KCNH8: variants seen among roughly 807,000 people sequenced by gnomAD.
The protein encoded by KCNH8 is potassium voltage-gated channel subfamily H member 8, also known as voltage-gated delayed rectifier potassium channel KCNH8.
In KCNH8, 70 loss-of-function variants were observed where a neutral mutation model predicts 103.6. The ratio of observed to expected loss-of-function variants is 0.68; its 90% CI spans 0.56 to 0.82. The LOEUF (loss-of-function observed/expected upper bound fraction) is 0.82. KCNH8 is among the 40% of genes least tolerant of loss of function. The pLI is 0.00. For synonymous variants in KCNH8, 498 were observed against 489.4 expected (o/e 1.02, Z -0.23); for missense variants, 1,217 against 1,329.9 (o/e 0.92, Z 1.32).
chr3:19,201,250 A>AAAAG (rs1417792533), intron 1 of KCNH8, among the ~76,000 whole-genome samples: 7 of 147,968 alleles, frequency 4.7e-5, no homozygotes, highest in Non-Finnish European at 9.0e-5. Flanking sequence ...AAAAAAAAAA[A>AAAAG]AAAAAAAAAA....
At chr3:19,357,907 C>T (rs991223219) in intron 5 of KCNH8, among the ~76,000 whole-genome samples, 22 of 151,754 alleles carry the variant, frequency 1.4e-4, no homozygotes, top group African/African-American at 5.1e-4. Context: ...TATATAAATC[C>T]TGAGTCCAAA....
At chr3:19,489,059 G>C (rs1319178313) in intron 11 of KCNH8, among the ~76,000 whole-genome samples, 1 of 152,148 alleles carries the variant, frequency 6.6e-6, no homozygotes, top group African/African-American at 2.4e-5. Flanking sequence ...TAATATTGCT[G>C]TTCTCTCAGG....
intron 3 of KCNH8, among the ~76,000 whole-genome samples, chr3:19,331,750 A>G (rs1010224754): frequency 2.6e-5 from 4 of 152,104 alleles, no homozygotes; most frequent in East Asian, 1.9e-4. Flanking sequence ...AAACATTCCA[A>G]TTATACCCTT....
intron 1 of KCNH8, among the ~76,000 whole-genome samples, chr3:19,199,292 TGTCAGAGC>T (rs2063633088): frequency 6.6e-6 from 1 of 152,106 alleles, no homozygotes; most frequent in Admixed American, 6.6e-5. Context: ...GTTCCACAAA[TGTCAGAGC>T]ATAAACTTTC....
intron 3 of KCNH8, among the ~76,000 whole-genome samples, chr3:19,334,315 C>A (rs2065552575): frequency 6.6e-6 from 1 of 152,098 alleles, no homozygotes; most frequent in African/African-American, 2.4e-5. Flanking sequence ...ACTCAGCAAG[C>A]AGAACCTGTC....
At chr3:19,340,634 T>A (rs1010522015) in intron 3 of KCNH8, among the ~76,000 whole-genome samples, 3 of 152,190 alleles carry the variant, frequency 2.0e-5, no homozygotes, top group Non-Finnish European at 4.4e-5. Flanking sequence ...TTTTTGTTAC[T>A]AAAATATAGT....
intron 11 of KCNH8, among the ~76,000 whole-genome samples, chr3:19,467,605 G>A (rs932375169): frequency 3.3e-5 from 5 of 152,118 alleles, no homozygotes; most frequent in Non-Finnish European, 5.9e-5. Flanking sequence ...GTGGGAGCAC[G>A]GGGGGCATGG....
At chr3:19,386,973 C>A (rs1159314594) in intron 5 of KCNH8, among the ~76,000 whole-genome samples, 1 of 152,106 alleles carries the variant, frequency 6.6e-6, no homozygotes, top group Admixed American at 6.6e-5. Context: ...TGCTGTGCTT[C>A]CTTCACTTTC....
At chr3:19,208,417 A>T (rs2063737773) in intron 1 of KCNH8, among the ~76,000 whole-genome samples, 1 of 151,958 alleles carries the variant, frequency 6.6e-6, no homozygotes, top group African/African-American at 2.4e-5. Context: ...GAATAAATTC[A>T]CTCTCTCTTT....
At chr3:19,482,444 C>T (rs192664354) in intron 11 of KCNH8, among the ~76,000 whole-genome samples, 25 of 152,204 alleles carry the variant, frequency 1.6e-4, no homozygotes, top group African/African-American at 6.0e-4. Flanking sequence ...TTTTTACTAC[C>T]TATGTCTTTT....
intron 7 of KCNH8, among the ~76,000 whole-genome samples, chr3:19,415,154 A>T (rs17005928): frequency 1.3e-5 from 2 of 151,976 alleles, no homozygotes; most frequent in Non-Finnish European, 2.9e-5. Flanking sequence ...GAAAGAAATG[A>T]TGGTAATAAT....
chr3:19,441,931 G>C (rs572347139), intron 8 of KCNH8, among the ~76,000 whole-genome samples: 2 of 152,220 alleles, frequency 1.3e-5, no homozygotes, highest in Non-Finnish European at 2.9e-5. Flanking sequence ...TTATGATCCA[G>C]TTTGGAGGAG....
chr3:19,386,148 C>A (rs553526552), intron 5 of KCNH8, among the ~76,000 whole-genome samples: 1 of 151,928 alleles, frequency 6.6e-6, no homozygotes. Flanking sequence ...CTTTTTAGTC[C>A]GCATAAATAG....
chr3:19,310,689 T>C (rs1251445809), intron 3 of KCNH8, among the ~76,000 whole-genome samples: 1 of 61,632 alleles, frequency 1.6e-5, no homozygotes, highest in Non-Finnish European at 3.4e-5. Context: ...TTCAAAGGGG[T>C]GAGTGTTACA....
chr3:19,243,439 C>T (rs1394714767), intron 1 of KCNH8, among the ~76,000 whole-genome samples: 1 of 152,152 alleles, frequency 6.6e-6, no homozygotes, highest in Non-Finnish European at 1.5e-5. Context: ...CTTATGTTTC[C>T]TGTTACTTAA....
chr3:19,316,395 A>T (rs1301238712), intron 3 of KCNH8, among the ~76,000 whole-genome samples: 1 of 152,024 alleles, frequency 6.6e-6, no homozygotes, highest in East Asian at 1.9e-4. Context: ...GGTATACAAC[A>T]ACCAGGCCAT....
chr3:19,478,984 G>A (rs757729146), intron 11 of KCNH8, among the ~76,000 whole-genome samples: 1 of 152,132 alleles, frequency 6.6e-6, no homozygotes, highest in South Asian at 2.1e-4. Context: ...AAGTTCTTTT[G>A]TGTAAAATTT....
intron 11 of KCNH8, among the ~76,000 whole-genome samples, chr3:19,474,144 G>A (rs2067920409): frequency 6.6e-6 from 1 of 152,272 alleles, no homozygotes; most frequent in South Asian, 2.1e-4. Context: ...GTTAGATTTA[G>A]TGCATGGTAT....
chr3:19,264,225 A>T (rs912104377), intron 2 of KCNH8, among the ~76,000 whole-genome samples: 1 of 152,132 alleles, frequency 6.6e-6, no homozygotes, highest in Non-Finnish European at 1.5e-5. Context: ...CTTCAAAGTC[A>T]TGGTAGCAGA....
Sources: gnomAD v4.1 joint callset for allele counts (sites outside exome capture counted in the v4.1 genomes callset) on GRCh38, gnomAD v4.1.1 for gene constraint, MANE v1.5 for transcripts, NCBI Gene and HGNC (gene_info 2026-07-23, HGNC 2026-07-21) for gene names.